Variants in TAFA1 observed in about 807,000 individuals in gnomAD.
TAFA1 encodes TAFA chemokine like family member 1.
TAFA1 carries 4 observed loss-of-function variants against 18.5 expected under a neutral mutation model. That is an observed-to-expected ratio of 0.22 (90% CI 0.11 to 0.49). The LOEUF (loss-of-function observed/expected upper bound fraction) is 0.49. Among genes scored for constraint, TAFA1 ranks in the 20% least tolerant of loss-of-function variants. The pLI, the probability that TAFA1 is intolerant of heterozygous loss-of-function variation, is 0.98. For synonymous variants in TAFA1, 56 were observed against 55.2 expected (o/e 1.01, Z -0.06); for missense variants, 147 against 169.0 (o/e 0.87, Z 0.72).
intron 2 of TAFA1, among the ~76,000 whole-genome samples, chr3:68,298,546 C>T (rs1198252434): frequency 6.6e-6 from 1 of 152,208 alleles, no homozygotes; most frequent in African/African-American, 2.4e-5. Flanking sequence ...CCCAAACTCT[C>T]ATCTTGACTC....
At chr3:68,246,763 A>G (rs1476713523) in intron 2 of TAFA1, 1 of 152,176 alleles carries the variant, frequency 6.6e-6, no homozygotes, top group Non-Finnish European at 1.5e-5. Flanking sequence ...AAGTAGTTCC[A>G]CAGGTGTTTC....
rs2065143499 is a variant in TAFA1 at position 68,101,189 on chromosome 3, A to T, written c.118+94445A>T. Among the ~76,000 whole-genome samples, 2 of 151,984 alleles carry T rather than the reference A, an allele frequency of 1.3e-5. 1 individual carries two copies. Among genetic ancestry groups the T allele is most frequent in the Non-Finnish European group, 2.9e-5 (2 of 67,996 alleles). On this transcript the variant is annotated intron_variant, in intron 2 of 4. Coordinates refer to ENST00000478136, the MANE Select transcript of TAFA1 (RefSeq NM_213609.4). ...CCTCCATCCTCTGATACAGACCCCT[A>T]TTTTAGATATGGGAAATAGGAGAGG...
intron 2 of TAFA1, among the ~76,000 whole-genome samples, chr3:68,187,659 T>C (rs1469823176): frequency 6.6e-6 from 1 of 152,014 alleles, no homozygotes; most frequent in Non-Finnish European, 1.5e-5. Flanking sequence ...TGTCATGCAT[T>C]TCTCTTAAGC....
At chr3:68,254,125 GTATGTATGTATCTATC>G (rs1440258706) in intron 2 of TAFA1, among the ~76,000 whole-genome samples, 1 of 133,034 alleles carries the variant, frequency 7.5e-6, no homozygotes, top group African/African-American at 2.8e-5. Context: ...ATGTATGTAT[GTATGTATGTATCTATC>G]TATCTATCTA....
At chr3:68,156,776 GA>G (rs67463084) in intron 2 of TAFA1, among the ~76,000 whole-genome samples, 1 of 151,684 alleles carries the variant, frequency 6.6e-6, no homozygotes, top group African/African-American at 2.4e-5. Context: ...CTGTGCCAGG[GA>G]AAAAAATAAT....
At chr3:68,059,365 G>C (rs987927542) in intron 2 of TAFA1, among the ~76,000 whole-genome samples, 8 of 152,120 alleles carry the variant, frequency 5.3e-5, no homozygotes, top group Admixed American at 2.0e-4. Context: ...TGAATGCGTA[G>C]ATGAGGAAAC....
chr3:68,137,979 A>G (rs2065627344), intron 2 of TAFA1, among the ~76,000 whole-genome samples: 1 of 82,918 alleles, frequency 1.2e-5, no homozygotes, highest in Admixed American at 1.4e-4. Context: ...CTTCGCTACT[A>G]TTTAAAAAAA....
chr3:68,439,019 A>G (rs1302430899), intron 3 of TAFA1, among the ~76,000 whole-genome samples: 1 of 152,096 alleles, frequency 6.6e-6, no homozygotes, highest in Non-Finnish European at 1.5e-5. Context: ...TCAAAGATCT[A>G]TAAAATGCCT....
chr3:68,370,266 C>T (rs71310801), intron 2 of TAFA1, among the ~76,000 whole-genome samples: 8 of 91,958 alleles, frequency 8.7e-5, no homozygotes, highest in South Asian at 4.4e-4. Context: ...CCAGCCTGGG[C>T]GACAAGGGAG....
At chr3:68,240,763 T>C (rs965555358) in intron 2 of TAFA1, among the ~76,000 whole-genome samples, 7 of 152,208 alleles carry the variant, frequency 4.6e-5, no homozygotes, top group Admixed American at 6.5e-5. Context: ...TCTGAAGCGC[T>C]GTAATTTTTA....
intron 3 of TAFA1, among the ~76,000 whole-genome samples, chr3:68,427,904 C>T (rs768761492): frequency 1.3e-5 from 2 of 151,906 alleles, no homozygotes; most frequent in Non-Finnish European, 2.9e-5. Context: ...CTTGCTGCCA[C>T]CATGTAATTT....
chr3:68,279,761 C>A (rs764595763), intron 2 of TAFA1, among the ~76,000 whole-genome samples: 1 of 152,046 alleles, frequency 6.6e-6, no homozygotes, highest in Non-Finnish European at 1.5e-5. Context: ...TCTTGGGTGG[C>A]GTTCCCAGAT....
intron 2 of TAFA1, among the ~76,000 whole-genome samples, chr3:68,132,236 T>G (rs2065548930): frequency 6.6e-6 from 1 of 152,222 alleles, no homozygotes; most frequent in African/African-American, 2.4e-5. Flanking sequence ...TGCATAGTAT[T>G]CCGTGGTGTA....
At chr3:68,537,921 G>T (rs556698207) in intron 3 of TAFA1, among the ~76,000 whole-genome samples, 1 of 152,150 alleles carries the variant, frequency 6.6e-6, no homozygotes, top group South Asian at 2.1e-4. Flanking sequence ...GGCTGGTCAC[G>T]TGGGAAACCT....
At chr3:68,515,477 A>G (rs2072907707) in intron 3 of TAFA1, among the ~76,000 whole-genome samples, 1 of 152,182 alleles carries the variant, frequency 6.6e-6, no homozygotes, top group Non-Finnish European at 1.5e-5. Flanking sequence ...AGCTCCACCT[A>G]AAGCATCTGA....
At chr3:68,071,899 G>T (rs1400371173) in intron 2 of TAFA1, among the ~76,000 whole-genome samples, 1 of 151,980 alleles carries the variant, frequency 6.6e-6, no homozygotes, top group Non-Finnish European at 1.5e-5. Context: ...ACCAAGCCAT[G>T]AGGGATCCGC....
At chr3:68,461,359 G>GAATATATATATATATA in intron 3 of TAFA1, among the ~76,000 whole-genome samples, 1 of 38,028 alleles carries the variant, frequency 2.6e-5, no homozygotes, top group Non-Finnish European at 4.5e-5. Context: ...CAATGAAAGT[G>GAATATATATATATATA]CATATATATA....
At chr3:68,110,962 G>T (rs2065255433) in intron 2 of TAFA1, among the ~76,000 whole-genome samples, 1 of 152,108 alleles carries the variant, frequency 6.6e-6, no homozygotes, top group African/African-American at 2.4e-5. Flanking sequence ...ACATCACAAA[G>T]ACTTCATCAC....
chr3:68,435,527 T>C (rs969797075), intron 3 of TAFA1, among the ~76,000 whole-genome samples: 3 of 152,182 alleles, frequency 2.0e-5, no homozygotes, highest in Non-Finnish European at 2.9e-5. Flanking sequence ...TTCATTGTAC[T>C]TAGAGCCCAA....
Sources: allele counts gnomAD v4.1 joint callset (sites outside exome capture counted in the v4.1 genomes callset), GRCh38; gene constraint gnomAD v4.1.1; transcripts MANE v1.5; gene names NCBI Gene and HGNC (gene_info 2026-07-23, HGNC 2026-07-21).